The following RBBP6 variants were observed in gnomAD, a reference collection of about 807,000 sequenced individuals.
The protein encoded by RBBP6 is RB binding protein 6, ubiquitin ligase, also known as E3 ubiquitin-protein ligase RBBP6.
Under a neutral mutation model 167.7 loss-of-function variants are expected in RBBP6, and 25 were observed. That is an observed-to-expected ratio of 0.15 (90% CI 0.11 to 0.21). The LOEUF is 0.21. RBBP6 is among the 10% of genes least tolerant of loss of function. The pLI is 1.00. For synonymous variants in RBBP6, 789 were observed against 735.8 expected (o/e 1.07, Z -1.17); for missense variants, 1,868 against 2,134.2 (o/e 0.88, Z 2.46).
In RBBP6 at chr16:24,555,802, T is replaced by C. The variant is rs1183174757; in HGVS notation, c.438-19T>C. On this transcript the variant is annotated intron_variant, in intron 5 of 17. Coordinates refer to ENST00000319715, the MANE Select transcript of RBBP6 (RefSeq NM_006910.5). ...TTTCAAAGTCCTCGTATACATGTAA[T>C]TTTTTTTCCCCCTTTTAGTTACATG... is the stretch of plus-strand genomic sequence containing the variant. 1 of 1,582,062 alleles carries C rather than the reference T, an allele frequency of 6.3e-7. No individual in the cohort carries two copies. The highest frequency in any genetic ancestry group is 8.7e-7 in the Non-Finnish European group (1 of 1,152,250).
Position 24,539,971 on chromosome 16 carries a change from C to T in RBBP6, c.-656C>T, listed in dbSNP as rs1476455839. ...CCGGGGGCGGCCTGCGGGAAGGCCT[C>T]TCCTCCGCCGACCGCGCGTTTTCGG... On this transcript the variant is annotated 5_prime_UTR_variant, in exon 1 of 18. Coordinates refer to ENST00000319715, the MANE Select transcript of RBBP6 (RefSeq NM_006910.5). The T allele has an allele frequency of 1.3e-5, 2 of 152,714 alleles. No individual in the cohort carries two copies. Among genetic ancestry groups the T allele is most frequent in the African/African-American group, 2.4e-5 (1 of 41,458 alleles). 9.5% of individuals were successfully genotyped at this position (152,714 alleles called of 1,614,324 possible).
Position 24,572,259 on chromosome 16 carries a change from A to G in RBBP6, c.5193A>G (p.Lys1731=), listed in dbSNP as rs771170027. 4 of 1,612,616 alleles carry G rather than the reference A, an allele frequency of 2.5e-6. No individual in the cohort carries two copies. Among genetic ancestry groups the G allele is most frequent in the African/African-American group, 1.3e-5 (1 of 74,832 alleles). Residue 1731 remains lysine (K), a synonymous_variant, in exon 18 of 18, where the codon AAA becomes AAG. Transcript: ENST00000319715. The part of the protein sequence containing the change: ...AESQDSKKKK[K]KKEKKKHKKH... ...GTCAGGACAGCAAGAAGAAGAAGAA[A>G]AAGAAGGAAAAGAAAAAACACAAGA...
intron 11 of RBBP6, 58 bp from the exon 12 acceptor site, chr16:24,563,365 T>TA (rs1899113987): frequency 2.6e-6 from 4 of 1,539,152 alleles, no homozygotes; most frequent in East Asian, 4.5e-5. Context: ...GCTTTGTTCT[T>TA]ACCTCTTTTT....
Position 24,543,574 on chromosome 16 carries a change from G to A in RBBP6, c.167-2589G>A, listed in dbSNP as rs201531786. 2.0e-5 allele frequency among the ~76,000 whole-genome samples: 3 copies of A among 152,160 alleles called. No individual in the cohort carries two copies. The East Asian group carries it at 5.8e-4, about 29-fold the overall frequency. On this transcript the variant is annotated intron_variant, in intron 1 of 17. Coordinates refer to ENST00000319715, the MANE Select transcript of RBBP6 (RefSeq NM_006910.5). ...TCCCAAGGCCATCCCAAAGTGCTGG[G>A]ATTATAGGCTTGAGCCACTGTGCCT... is the stretch of plus-strand genomic sequence containing the variant.
intron 6 of RBBP6, 69 bp from the exon 7 acceptor site, chr16:24,556,239 T>G: frequency 3.1e-6 from 4 of 1,279,920 alleles, no homozygotes; most frequent in Non-Finnish European, 4.4e-6. Flanking sequence ...TGTATAACAT[T>G]AGCTAATTTA....
intron 4 of RBBP6, chr16:24,555,130 T>G (rs1898883683): frequency 6.5e-6 from 1 of 152,922 alleles, no homozygotes; most frequent in Non-Finnish European, 1.5e-5. Flanking sequence ...ATTATAATGC[T>G]CAATGCACAT....
chr16:24,542,291 T>C (rs1030789983), intron 1 of RBBP6, among the ~76,000 whole-genome samples: 3 of 152,152 alleles, frequency 2.0e-5, no homozygotes, highest in Non-Finnish European at 2.9e-5. Flanking sequence ...TCTTGACATA[T>C]TGAGTATTTA....
Position 24,559,452 on chromosome 16 carries a change from A to G in RBBP6, c.675-53A>G, listed in dbSNP as rs1017028071. The G allele has an allele frequency of 3.3e-5, 48 of 1,435,962 alleles. No individual in the cohort carries two copies. In the African/African-American group the frequency reaches 6.5e-4, roughly 19 times the overall value. The allele number at this position is 1,435,962 out of a possible 1,614,324, so 89.0% of individuals were successfully genotyped here. A position where few individuals can be genotyped will look rare whatever the true frequency, so the allele number is the denominator to read the frequency against. On this transcript the variant is annotated intron_variant, in intron 7 of 17. Coordinates refer to ENST00000319715, the MANE Select transcript of RBBP6 (RefSeq NM_006910.5). ...ATTATGTTATAGTAGAACATGTAGC[A>G]TGAGTACTCTGCCTTCTTAACAATG...
In RBBP6 at chr16:24,548,936, G is replaced by T; in HGVS notation, c.267-9G>T. 6.3e-7 allele frequency: 1 copy of T among 1,598,936 alleles called. No individual in the cohort carries two copies. The highest frequency in any genetic ancestry group is 8.5e-7 in the Non-Finnish European group (1 of 1,171,868). The stretch of plus-strand genomic sequence containing the variant: ...TAATGTTAATTTTTGTTTTTATTTT[G>T]TGTTTTAGAAGTCGAACTGAACCAG... On this transcript the variant is annotated splice_polypyrimidine_tract_variant and intron_variant, in intron 2 of 17. Transcript: ENST00000319715.
intron 8 of RBBP6, among the ~76,000 whole-genome samples, chr16:24,561,103 T>C (rs1314006057): frequency 6.6e-6 from 1 of 152,210 alleles, no homozygotes; most frequent in Non-Finnish European, 1.5e-5. Context: ...TTTCCTTGCC[T>C]GAATAAAAAC....
chr16:24,569,301 A>G lies in RBBP6; in HGVS notation c.2611A>G (p.Arg871Gly). The change falls in exon 17 of 18, where the codon AGG becomes GGG. Residue 871 changes from arginine to glycine, a missense_variant. By Grantham distance (125) the Arg-to-Gly change is moderately radical. This residue lies in a region of RBBP6 where 673 missense variants were observed against 691.5 expected (regional missense o/e 0.97). Transcript: ENST00000319715. ...AGAGAGATTTTTGCCACTTAACATC[A>G]GGAATTCTCCCTTCACAAGAGGCCG... ...SPERFLPLNI[R>G]NSPFTRGRRE... The G allele has an allele frequency of 1.2e-6, 2 of 1,612,422 alleles. No homozygotes were observed. The highest frequency in any genetic ancestry group is 1.7e-6 in the Non-Finnish European group (2 of 1,179,624).
intron 12 of RBBP6, 27 bp from the exon 13 acceptor site, chr16:24,563,582 AC>A (rs754913756): frequency 8.7e-6 from 14 of 1,611,960 alleles, no homozygotes; most frequent in Non-Finnish European, 1.2e-5. Flanking sequence ...TTTTGTATTT[AC>A]CTACTGCTTT....
At position 24,540,411 on chromosome 16, in the gene RBBP6, C is replaced by T. The variant is rs1596495849; in HGVS notation, c.-216C>T. 2.3e-6 allele frequency: 1 copy of T among 437,832 alleles called. No homozygotes were observed. The allele number at this position is 437,832 out of a possible 1,614,324, so 27.1% of individuals were successfully genotyped here. Reference sequence around the variant, plus strand: ...CCTCTTCCCCGTCCTCGTCCTCCTCCTCCCCCATGAAGTGATTCTGAGTAT... The same window carrying T: ...CCTCTTCCCCGTCCTCGTCCTCCTCTTCCCCCATGAAGTGATTCTGAGTAT... On this transcript the variant is annotated 5_prime_UTR_variant, in exon 1 of 18. Transcript: ENST00000319715.
chr16:24,571,494 C>T lies in RBBP6; in HGVS notation c.4428C>T (p.Asp1476=), dbSNP rs1567282133. ...CTCCCAATAGAGACAAAAAAACTGACTATGACACCAGAGAGTATTCAAGTT... is the reference window on the plus strand; with the variant it reads ...CTCCCAATAGAGACAAAAAAACTGATTATGACACCAGAGAGTATTCAAGTT... ...DFTPNRDKKT[D]YDTREYSSSK... Residue 1476 remains aspartate, a synonymous_variant, in exon 18 of 18, where the codon GAC becomes GAT. Transcript: ENST00000319715. 6.2e-7 allele frequency: 1 copy of T among 1,612,596 alleles called. No homozygotes were observed. Among genetic ancestry groups the T allele is most frequent in the Admixed American group, 1.7e-5 (1 of 59,688 alleles).
chr16:24,546,866 G>T (rs13332926), intron 2 of RBBP6, among the ~76,000 whole-genome samples: 41,383 of 151,988 alleles, frequency 0.27, 5,688 homozygotes, highest in Admixed American at 0.34. Context: ...ACTCTAGAGG[G>T]TTGTAAGAAT....
At position 24,570,114 on chromosome 16, in the gene RBBP6, A is replaced by G. The variant is rs1328794270; in HGVS notation, c.3424A>G (p.Asn1142Asp). ...KPNEKNKPLD[N>D]KGEKRKRKTE... ...TAATGAGAAAAACAAACCACTTGAT[A>G]ATAAGGGAGAAAAAAGAAAAAGAAA... is the stretch of plus-strand genomic sequence containing the variant. Residue 1142 changes from asparagine to aspartate, a missense_variant, in exon 17 of 18, where the codon AAT (asparagine) becomes GAT (aspartate). Around this residue, in one of 7 missense-constraint regions of RBBP6, gnomAD observed 673 missense variants for 691.5 expected, o/e 0.97. Coordinates refer to ENST00000319715, the MANE Select transcript of RBBP6 (RefSeq NM_006910.5). 5.0e-6 allele frequency: 8 copies of G among 1,591,948 alleles called. No individual in the cohort carries two copies. Among genetic ancestry groups the G allele is most frequent in the Middle Eastern group, 3.4e-4 (2 of 5,942 alleles).
chr16:24,570,297 AGTGC>A lies in RBBP6; in HGVS notation c.3609_3612del (p.Ala1204GlnfsTer51). The A allele has an allele frequency of 6.2e-7, 1 of 1,610,152 alleles. No homozygotes were observed. Among genetic ancestry groups the A allele is most frequent in the Non-Finnish European group, 8.5e-7 (1 of 1,179,202 alleles). Reference sequence around the variant, plus strand: ...CCCTGAAAAGGACAAAATTTCTTTAAGTGCGCCAGCCAAAAAAATCAAACTCAAC... The same window carrying A: ...CCCTGAAAAGGACAAAATTTCTTTAAGCCAGCCAAAAAAATCAAACTCAAC... On this transcript the variant is annotated frameshift_variant, in exon 17 of 18. Transcript: ENST00000319715. LOFTEE classifies it high-confidence loss of function.
At chr16:24,553,322 GC>G in intron 3 of RBBP6, 190 bp from the exon 4 acceptor site, 1 of 475,730 alleles carries the variant, frequency 2.1e-6, no homozygotes, top group East Asian at 3.2e-5. Flanking sequence ...CCAACTGATA[GC>G]TTTTTATAAC....
intron 10 of RBBP6, 77 bp from the exon 11 acceptor site, chr16:24,563,122 A>C (rs2141472954): frequency 8.5e-7 from 1 of 1,170,410 alleles, no homozygotes; most frequent in Non-Finnish European, 1.2e-6. Context: ...GTGATGGGTA[A>C]ACAGCAGCAA....
Sources: allele counts gnomAD v4.1 joint callset (sites outside exome capture counted in the v4.1 genomes callset), GRCh38; gene constraint gnomAD v4.1.1; regional missense constraint gnomAD v4.1.1; transcripts MANE v1.5; gene names NCBI Gene and HGNC (gene_info 2026-07-23, HGNC 2026-07-21).